Variants in MCM3 observed in about 807,000 individuals in gnomAD.
MCM3 encodes the protein minichromosome maintenance complex component 3.
MCM3 carries 59 observed loss-of-function variants against 91.3 expected under a neutral mutation model. That is an observed-to-expected ratio of 0.65 (90% CI 0.52 to 0.80). The LOEUF is 0.80. MCM3 is among the 30% of genes least tolerant of loss of function. MCM3 has a pLI of 0.00. For missense variants in MCM3, 919 were observed against 1,035.4 expected, an observed-to-expected ratio of 0.89 and a Z score of 1.54; for synonymous variants, 383 against 379.6, an observed-to-expected ratio of 1.01 and a Z score of -0.10.
chr6:52,266,587 T>C (rs1453185561), intron 15 of MCM3, 24 bp downstream of exon 15: 17 of 1,602,238 alleles, frequency 1.1e-5, no homozygotes, highest in Non-Finnish European at 1.4e-5. Flanking sequence ...ACAACCTCTT[T>C]CATCAGTAAG....
At chr6:52,275,253 C>T (rs571080181) in intron 9 of MCM3, among the ~76,000 whole-genome samples, 8 of 152,196 alleles carry the variant, frequency 5.3e-5, no homozygotes, top group Non-Finnish European at 1.2e-4. Context: ...TGTTCCCATA[C>T]ACTGTGGGAT....
Position 52,276,365 on chromosome 6 carries a change from A to T in MCM3, c.1277T>A (p.Met426Lys). 6.2e-7 allele frequency: 1 copy of T among 1,614,148 alleles called. No homozygotes were observed. Among genetic ancestry groups the T allele is most frequent in the Non-Finnish European group, 8.5e-7 (1 of 1,180,042 alleles). Residue 426 changes from methionine to lysine, a missense_variant, in exon 9 of 17, where the codon ATG (methionine) becomes AAG (lysine). This residue lies in a region of MCM3 where 233 missense variants were observed against 321.2 expected (regional missense o/e 0.73). Transcript: ENST00000596288. ...DMDRTAIHEVMEQGRVTIAKA... is the reference protein window; with the variant it reads ...DMDRTAIHEVKEQGRVTIAKA... ...GGCAATGGTCACTCGACCCTGCTCC[A>T]TCACTTCATGGATGGCTGTGCGATC...
rs1765279473 is a variant in MCM3 at position 52,273,265 on chromosome 6, C to T, written c.1641G>A (p.Lys547=). The T allele has an allele frequency of 1.9e-6, 3 of 1,614,052 alleles. No homozygotes were observed. The highest frequency in any genetic ancestry group is 1.3e-5 in the African/African-American group (1 of 74,912). Residue 547 remains lysine (K), a synonymous_variant, in exon 11 of 17, where the codon AAG becomes AAA. Coordinates refer to ENST00000596288, the MANE Select transcript of MCM3 (RefSeq NM_002388.6). ...TGGTCCCATGTAGAAGGTTGTCATG[C>T]TTCTCATAAATCTGGGTGTCCTGCT... is the stretch of plus-strand genomic sequence containing the variant. The part of the protein sequence containing the change: ...EDQQDTQIYE[K]HDNLLHGTKK...
chr6:52,276,215 T>C (rs1043760312), intron 9 of MCM3, 53 bp downstream of exon 9: 1 of 1,518,526 alleles, frequency 6.6e-7, no homozygotes, highest in Non-Finnish European at 9.0e-7. Flanking sequence ...GCCCAGTTAG[T>C]CAGCAAAACC....
rs190155702 is a variant in MCM3 at position 52,282,201 on chromosome 6, A to T, written c.401-26T>A. 4.3e-4 allele frequency: 688 copies of T among 1,613,296 alleles called. 1 individual carries two copies. Among genetic ancestry groups the T allele is most frequent in the Non-Finnish European group, 6.8e-5 (80 of 1,179,304 alleles). On this transcript the variant is annotated intron_variant, in intron 3 of 16. Coordinates refer to ENST00000596288, the MANE Select transcript of MCM3 (RefSeq NM_002388.6). ...CTAGGGATGGAAAATGTGCATATAT[A>T]AACTCACCCAACTAGACGATGATAC...
At chr6:52,271,956 C>T (rs1271276652) in intron 12 of MCM3, among the ~76,000 whole-genome samples, 1 of 152,164 alleles carries the variant, frequency 6.6e-6, no homozygotes, top group African/African-American at 2.4e-5. Context: ...CTTTGTGCTT[C>T]CCCCGCTCCG....
intron 2 of MCM3, 128 bp downstream of exon 2, chr6:52,283,166 G>T: frequency 2.8e-6 from 2 of 716,616 alleles, no homozygotes; most frequent in South Asian, 3.9e-5. Context: ...AATAGGTGCA[G>T]GTGAGCTACG....
Position 52,264,560 on chromosome 6 carries a change from A to ACAAC in MCM3, c.*24_*27dup. The ACAAC allele has an allele frequency of 6.2e-7, 1 of 1,613,108 alleles. No individual in the cohort carries two copies. The highest frequency in any genetic ancestry group is 1.1e-5 in the South Asian group (1 of 90,958). On this transcript the variant is annotated 3_prime_UTR_variant, in exon 17 of 17. Coordinates refer to ENST00000596288, the MANE Select transcript of MCM3 (RefSeq NM_002388.6). ...GAAACACAGAACAAACTCTCTCGGC[A>ACAAC]CAACCCAAGTTCAGAGACGAGGCCT...
intron 4 of MCM3, 146 bp from the exon 5 acceptor site, chr6:52,279,745 T>TG: frequency 3.1e-6 from 2 of 645,896 alleles, no homozygotes; most frequent in Non-Finnish European, 5.3e-6. Context: ...GCTTTTTGTG[T>TG]TCCTGTCTGT....
chr6:52,273,608 T>G, intron 10 of MCM3, 134 bp downstream of exon 10: 1 of 920,930 alleles, frequency 1.1e-6, no homozygotes, highest in Non-Finnish European at 1.6e-6. Context: ...GAAGGGGAGG[T>G]GGCTAAACAG....
chr6:52,273,819 GGATCCATCT>G lies in MCM3; in HGVS notation c.1463_1471del (p.Gln488_Asp490del). ...GTCTGAGATCTCCCGATCCTGCTCA[GGATCCATCT>G]GATCCAGCATGATGAAGAGCAAGTC... On this transcript the variant is annotated inframe_deletion, in exon 10 of 17. Coordinates refer to ENST00000596288, the MANE Select transcript of MCM3 (RefSeq NM_002388.6). 1 of 1,614,122 alleles carries G rather than the reference GGATCCATCT, an allele frequency of 6.2e-7. No homozygotes were observed. Among genetic ancestry groups the G allele is most frequent in the Non-Finnish European group, 8.5e-7 (1 of 1,179,994 alleles).
intron 9 of MCM3, 141 bp from the exon 10 acceptor site, chr6:52,274,057 G>C: frequency 1.6e-6 from 1 of 620,782 alleles, no homozygotes; most frequent in Non-Finnish European, 2.8e-6. Context: ...AAAGGGAAGT[G>C]TTTTAAAGCC....
At chr6:52,280,431 G>T (rs1765986444) in intron 4 of MCM3, among the ~76,000 whole-genome samples, 1 of 152,234 alleles carries the variant, frequency 6.6e-6, no homozygotes, top group Non-Finnish European at 1.5e-5. Flanking sequence ...ATTATCTCAT[G>T]TAATTATCAC....
At position 52,265,559 on chromosome 6, in the gene MCM3, T is replaced by C. The variant is rs184964811; in HGVS notation, c.2228+516A>G. On this transcript the variant is annotated intron_variant, in intron 16 of 16. Coordinates refer to ENST00000596288, the MANE Select transcript of MCM3 (RefSeq NM_002388.6). Reference sequence around the variant, plus strand: ...ATTTTAATTTTTTTTCTAAATACTTTTCAATGTGTTTCAAATTTTTTTCAG... The same window carrying C: ...ATTTTAATTTTTTTTCTAAATACTTCTCAATGTGTTTCAAATTTTTTTCAG... 7.5e-4 allele frequency among the ~76,000 whole-genome samples: 114 copies of C among 152,354 alleles called. 2 individuals carry two copies. Among genetic ancestry groups the C allele is most frequent in the African/African-American group, 2.3e-3 (96 of 41,580 alleles).
At chr6:52,281,965 A>C in intron 4 of MCM3, 80 bp downstream of exon 4, 2 of 1,437,306 alleles carry the variant, frequency 1.4e-6, no homozygotes, top group Non-Finnish European at 1.9e-6. Context: ...AAGACTTCAG[A>C]TATTACACAA....
Position 52,283,338 on chromosome 6 carries a change from G to C in MCM3, c.147C>G (p.Val49=), listed in dbSNP as rs1433558502. 3 of 1,614,012 alleles carry C rather than the reference G, an allele frequency of 1.9e-6. No individual in the cohort carries two copies. Among genetic ancestry groups the C allele is most frequent in the Non-Finnish European group, 2.5e-6 (3 of 1,180,036 alleles). The stretch of plus-strand genomic sequence containing the variant: ...TTTTCCTGCGCAGGTCATTCACATT[G>C]ACAATCAGCCGGTATTGGTTGTCAC... The part of the protein sequence containing the change: ...LISDNQYRLI[V]NVNDLRRKNE... Residue 49 remains valine (V), a synonymous_variant, in exon 2 of 17, where the codon GTC becomes GTG. Transcript: ENST00000596288.
At chr6:52,274,863 C>A (rs1765429559) in intron 9 of MCM3, among the ~76,000 whole-genome samples, 1 of 152,074 alleles carries the variant, frequency 6.6e-6, no homozygotes, top group Admixed American at 6.5e-5. Context: ...CGTTTCAGGT[C>A]CTGCCATTTT....
At position 52,282,818 on chromosome 6, in the gene MCM3, C is replaced by CCCG. The variant is rs1341060158; in HGVS notation, c.232_234dup (p.Arg78dup). On this transcript the variant is annotated inframe_insertion, in exon 3 of 17. Transcript: ENST00000596288. Reference sequence around the variant, plus strand: ...ATGGAGGCCACAAAATCCTTTAAGGCCCGCTGGAAGGCAACCAGCTCCTCA... The same window carrying CCCG: ...ATGGAGGCCACAAAATCCTTTAAGGCCCGCCGCTGGAAGGCAACCAGCTCCTCA... 6.2e-7 allele frequency: 1 copy of CCCG among 1,614,046 alleles called. No individual in the cohort carries two copies.
At chr6:52,269,037 T>C (rs1389841050) in intron 13 of MCM3, 49 bp downstream of exon 13, 12 of 1,565,340 alleles carry the variant, frequency 7.7e-6, no homozygotes, top group Non-Finnish European at 1.0e-5. Context: ...CCCATGCATC[T>C]GTAATATATC....
Sources: allele counts gnomAD v4.1 joint callset (sites outside exome capture counted in the v4.1 genomes callset), GRCh38; gene constraint gnomAD v4.1.1; regional missense constraint gnomAD v4.1.1; transcripts MANE v1.5; gene names NCBI Gene and HGNC (gene_info 2026-07-23, HGNC 2026-07-21).